The following PTPRT variants were observed in gnomAD, a reference collection of about 807,000 sequenced individuals.
PTPRT encodes receptor-type tyrosine-protein phosphatase T.
In PTPRT, 56 loss-of-function variants were observed where a neutral mutation model predicts 176.8. The ratio of observed to expected loss-of-function variants is 0.32; its 90% CI spans 0.26 to 0.40. The LOEUF (loss-of-function observed/expected upper bound fraction) is 0.40, where lower values mean the gene tolerates loss of function less well. Among genes scored for constraint, PTPRT ranks in the 10% least tolerant of loss-of-function variants. The pLI is 1.00. For missense variants in PTPRT, 1,540 were observed against 1,908.2 expected (o/e 0.81, Z 3.60); for synonymous variants, 783 against 739.0 (o/e 1.06, Z -0.96).
At chr20:42,142,166 C>T (rs1258194466) in intron 17 of PTPRT, among the ~76,000 whole-genome samples, 164 bp from the exon 18 acceptor site, 1 of 152,140 alleles carries the variant, frequency 6.6e-6, no homozygotes, top group Non-Finnish European at 1.5e-5. Context: ...TTTGTCTGTC[C>T]CTGGACCTAT....
At chr20:42,846,513 A>G (rs1046872135) in intron 2 of PTPRT, among the ~76,000 whole-genome samples, 6 of 152,184 alleles carry the variant, frequency 3.9e-5, no homozygotes, top group Non-Finnish European at 8.8e-5. Flanking sequence ...CACAGTAATG[A>G]TCTCACATTC....
intron 1 of PTPRT, among the ~76,000 whole-genome samples, chr20:43,167,463 G>A (rs2146453637): frequency 6.6e-6 from 1 of 152,300 alleles, no homozygotes; most frequent in African/African-American, 2.4e-5. Context: ...GAGTTAAGAT[G>A]TGATTCTGTG....
At chr20:42,171,764 C>A (rs1377602581) in intron 16 of PTPRT, among the ~76,000 whole-genome samples, 2 of 152,118 alleles carry the variant, frequency 1.3e-5, no homozygotes, top group Admixed American at 1.3e-4. Flanking sequence ...CACCTGCCAA[C>A]ATAGAAATCA....
rs942627612 is a variant in PTPRT at position 42,548,105 on chromosome 20, T to A, written c.1154-75543A>T. Among the ~76,000 whole-genome samples, 5 of 152,104 alleles carry A rather than the reference T, an allele frequency of 3.3e-5. No individual in the cohort carries two copies. The East Asian group carries it at 7.7e-4, about 23-fold the overall frequency. On this transcript the variant is annotated intron_variant, in intron 7 of 30. Transcript: ENST00000373187. ...CTCAACAAATCCAGGCATTCTATGA[T>A]CTTGGATAGGATACAATGATATAAC... is the stretch of plus-strand genomic sequence containing the variant.
chr20:42,739,849 A>G (rs2076582455), intron 6 of PTPRT, among the ~76,000 whole-genome samples: 1 of 152,184 alleles, frequency 6.6e-6, no homozygotes, highest in Non-Finnish European at 1.5e-5. Flanking sequence ...TATTACAGAA[A>G]GTGGGGAGGT....
At chr20:42,546,674 C>T (rs1165607967) in intron 7 of PTPRT, among the ~76,000 whole-genome samples, 1 of 152,108 alleles carries the variant, frequency 6.6e-6, no homozygotes, top group Non-Finnish European at 1.5e-5. Flanking sequence ...AAGTGAGAGA[C>T]CTGTGACTCT....
intron 7 of PTPRT, among the ~76,000 whole-genome samples, chr20:42,550,297 T>C (rs1023751357): frequency 2.6e-5 from 4 of 151,770 alleles, no homozygotes; most frequent in African/African-American, 9.7e-5. Flanking sequence ...AGGGACTCAC[T>C]AGCAAATGAA....
intron 2 of PTPRT, among the ~76,000 whole-genome samples, chr20:42,847,106 T>C (rs982796857): frequency 2.0e-5 from 3 of 152,216 alleles, no homozygotes; most frequent in Admixed American, 2.0e-4. Flanking sequence ...ACCCTGGGCA[T>C]GTTCGAATGA....
intron 1 of PTPRT, among the ~76,000 whole-genome samples, chr20:43,153,825 C>T (rs931242732): frequency 6.6e-6 from 1 of 152,118 alleles, no homozygotes; most frequent in Admixed American, 6.5e-5. Flanking sequence ...AAGCTCAGCA[C>T]AGAGAAGGCA....
rs1385011711 is a variant in PTPRT at position 42,080,852 on chromosome 20, C to T, written c.*27G>A. 4 of 1,596,786 alleles carry T rather than the reference C, an allele frequency of 2.5e-6. No individual in the cohort carries two copies. Among genetic ancestry groups the T allele is most frequent in the Non-Finnish European group, 3.4e-6 (4 of 1,165,250 alleles). ...GGGCTTGGTCACAGCAGCCTCTGGA[C>T]TCCGGCAGGTTCCCCATCCCATTGA... On this transcript the variant is annotated 3_prime_UTR_variant, in exon 31 of 31. Coordinates refer to ENST00000373187, the MANE Select transcript of PTPRT (RefSeq NM_007050.6).
chr20:43,106,916 G>C (rs191244755), intron 1 of PTPRT, among the ~76,000 whole-genome samples: 1 of 151,752 alleles, frequency 6.6e-6, no homozygotes, highest in Non-Finnish European at 1.5e-5. Flanking sequence ...TCAGCCTCCC[G>C]AGTAGCTGGG....
intron 17 of PTPRT, among the ~76,000 whole-genome samples, chr20:42,148,091 A>G (rs367747466): frequency 1.6e-3 from 240 of 152,268 alleles, no homozygotes; most frequent in African/African-American, 5.6e-3. Flanking sequence ...GGCGCTAATC[A>G]CATTCTTTTG....
rs201522978 is a variant in PTPRT at position 43,119,136 on chromosome 20, T to C, written c.88+70510A>G. Among the ~76,000 whole-genome samples, 4 of 152,316 alleles carry C rather than the reference T, an allele frequency of 2.6e-5. No homozygotes were observed. In the East Asian group the frequency reaches 7.7e-4, roughly 29 times the overall value. The stretch of plus-strand genomic sequence containing the variant: ...GTAATGATATTGGAAATGTTCGCCA[T>C]AATGTTGTTTTTCAAAAAACTAGAA... On this transcript the variant is annotated intron_variant, in intron 1 of 30. Transcript: ENST00000373187.
At chr20:42,808,538 A>C (rs572646377) in intron 2 of PTPRT, among the ~76,000 whole-genome samples, 1 of 152,122 alleles carries the variant, frequency 6.6e-6, no homozygotes, top group Non-Finnish European at 1.5e-5. Context: ...GGACCAAAGC[A>C]AGTCCTTGAT....
At chr20:42,548,323 T>G (rs1163003360) in intron 7 of PTPRT, among the ~76,000 whole-genome samples, 1 of 151,996 alleles carries the variant, frequency 6.6e-6, no homozygotes, top group Non-Finnish European at 1.5e-5. Flanking sequence ...GGCACAGTAA[T>G]AGTGGAATTG....
intron 7 of PTPRT, among the ~76,000 whole-genome samples, chr20:42,534,478 C>CA (rs1268433264): frequency 1.3e-5 from 2 of 151,616 alleles, no homozygotes; most frequent in Non-Finnish European, 2.9e-5. Context: ...CTAAAAATAC[C>CA]AAAAAAATTT....
At chr20:42,937,568 C>A (rs1980269829) in intron 1 of PTPRT, among the ~76,000 whole-genome samples, 1 of 152,192 alleles carries the variant, frequency 6.6e-6, no homozygotes, top group Non-Finnish European at 1.5e-5. Context: ...CCTATAGTTT[C>A]TATTCATTGG....
chr20:42,475,304 G>A (rs2071270316), intron 7 of PTPRT, among the ~76,000 whole-genome samples: 1 of 152,174 alleles, frequency 6.6e-6, no homozygotes, highest in Non-Finnish European at 1.5e-5. Context: ...GTGTCTGCCT[G>A]ACCCCACATG....
chr20:42,264,280 C>G (rs930422871), intron 13 of PTPRT, among the ~76,000 whole-genome samples: 2 of 152,130 alleles, frequency 1.3e-5, no homozygotes, highest in African/African-American at 4.8e-5. Context: ...ATGTGACAAC[C>G]CTCTTCTGCA....
Sources: gnomAD v4.1 joint callset for allele counts (sites outside exome capture counted in the v4.1 genomes callset) on GRCh38, gnomAD v4.1.1 for gene constraint, MANE v1.5 for transcripts, NCBI Gene and HGNC (gene_info 2026-07-23, HGNC 2026-07-21) for gene names.